TRIO: variants seen among roughly 807,000 people sequenced by gnomAD.
The protein encoded by TRIO is triple functional domain protein.
A neutral mutation model predicts 351.9 loss-of-function variants in TRIO; 58 were observed. The ratio of observed to expected loss-of-function variants is 0.16; its 90% CI spans 0.13 to 0.21. TRIO has a LOEUF of 0.21. TRIO is among the 10% of genes least tolerant of loss of function. The pLI is 1.00. For synonymous variants in TRIO, 1,758 were observed against 1,595.7 expected, an observed-to-expected ratio of 1.10 and a Z score of -2.42; for missense variants, 3,201 against 4,027.8, an observed-to-expected ratio of 0.79 and a Z score of 5.56.
Position 14,488,169 on chromosome 5 carries a change from C to T in TRIO, c.7541C>T (p.Pro2514Leu), listed in dbSNP as rs1417767323. ...GDSDSLQRQT[P>L]RHAAPGKDTD... Reference sequence around the variant, plus strand: ...AGCGACTCCCTCCAGCGGCAGACACCCCGCCACGCGGCCCCTGGCAAGGAT... The same window carrying T: ...AGCGACTCCCTCCAGCGGCAGACACTCCGCCACGCGGCCCCTGGCAAGGAT... The change falls in exon 48 of 57, where the codon CCC becomes CTC. Residue 2514 changes from proline (P) to leucine (L), a missense_variant. By Grantham distance (98) the Pro-to-Leu change is moderately conservative. Coordinates refer to ENST00000344204, the MANE Select transcript of TRIO (RefSeq NM_007118.4). The T allele has an allele frequency of 3.7e-6, 6 of 1,603,600 alleles. No homozygotes were observed. Among genetic ancestry groups the T allele is most frequent in the East Asian group, 2.2e-5 (1 of 44,824 alleles).
chr5:14,228,566 G>A (rs1328011869), intron 1 of TRIO, among the ~76,000 whole-genome samples: 1 of 152,354 alleles, frequency 6.6e-6, no homozygotes, highest in Middle Eastern at 3.4e-3. Flanking sequence ...TGAACTTTTA[G>A]AGTAGCAGAT....
At chr5:14,395,489 T>G (rs555776375) in intron 28 of TRIO, among the ~76,000 whole-genome samples, 1 of 152,342 alleles carries the variant, frequency 6.6e-6, no homozygotes, top group South Asian at 2.1e-4. Context: ...AGAACAGTGA[T>G]AAGCTCTCTT....
At chr5:14,180,200 G>GT (rs1460686950) in intron 1 of TRIO, among the ~76,000 whole-genome samples, 3 of 147,412 alleles carry the variant, frequency 2.0e-5, no homozygotes, top group Non-Finnish European at 4.5e-5. Flanking sequence ...ACCTCTTAAA[G>GT]TTACCTGGAT....
chr5:14,498,727 T>C, intron 53 of TRIO, 87 bp downstream of exon 53: 1 of 1,559,282 alleles, frequency 6.4e-7, no homozygotes, highest in Non-Finnish European at 8.8e-7. Context: ...GCCCTTACAC[T>C]CCAAGTGGCC....
intron 1 of TRIO, among the ~76,000 whole-genome samples, chr5:14,158,063 C>T (rs1423187281): frequency 7.0e-6 from 1 of 142,686 alleles, no homozygotes; most frequent in Admixed American, 7.0e-5. Flanking sequence ...TATGATGACA[C>T]ATTTTAGCAA....
chr5:14,296,969 C>G, intron 6 of TRIO, 103 bp from the exon 7 acceptor site: 4 of 920,018 alleles, frequency 4.3e-6, no homozygotes, highest in Non-Finnish European at 6.6e-6. Context: ...GATGTGATCA[C>G]TGTTAGAAGC....
intron 34 of TRIO, among the ~76,000 whole-genome samples, chr5:14,457,867 G>A (rs184692243): frequency 6.6e-6 from 1 of 152,184 alleles, no homozygotes; most frequent in East Asian, 1.9e-4. Context: ...GTGTCACTTA[G>A]GCTTCATACC....
intron 1 of TRIO, among the ~76,000 whole-genome samples, chr5:14,186,269 T>C (rs947580543): frequency 2.6e-5 from 4 of 152,192 alleles, no homozygotes; most frequent in Non-Finnish European, 4.4e-5. Flanking sequence ...CTCAAACATA[T>C]TCCTTTTATA....
chr5:14,313,946 G>C (rs1215411652), intron 8 of TRIO, among the ~76,000 whole-genome samples: 1 of 151,430 alleles, frequency 6.6e-6, no homozygotes, highest in African/African-American at 2.5e-5. Context: ...TGACTGTAGG[G>C]GTTTGGCTAT....
At chr5:14,214,146 CT>C (rs1792082721) in intron 1 of TRIO, among the ~76,000 whole-genome samples, 1 of 152,164 alleles carries the variant, frequency 6.6e-6, no homozygotes, top group African/African-American at 2.4e-5. Flanking sequence ...ATTCCTTATT[CT>C]TTAAATTACA....
rs774046957 is a variant in TRIO at position 14,488,103 on chromosome 5, C to A, written c.7475C>A (p.Ser2492Tyr). The change falls in exon 48 of 57, where the codon TCC becomes TAC. Residue 2492 changes from serine (S) to tyrosine (Y), a missense_variant. Ser to Tyr is a moderately radical substitution (Grantham distance 144, BLOSUM62 -2). This residue lies in a region of TRIO where 1,089 missense variants were observed against 954.9 expected (regional missense o/e 1.14). Coordinates refer to ENST00000344204, the MANE Select transcript of TRIO (RefSeq NM_007118.4). The part of the protein sequence containing the change: ...GGSFWSSIPA[S>Y]PASRPGSFTF... ...TCCTTCTGGAGCTCCATCCCCGCCT[C>A]CCCCGCCAGCCGACCCGGCTCCTTC... 1.9e-6 allele frequency: 3 copies of A among 1,609,632 alleles called. No individual in the cohort carries two copies. The highest frequency in any genetic ancestry group is 1.7e-4 in the Middle Eastern group (1 of 6,014).
Position 14,316,611 on chromosome 5 carries a change from C to T in TRIO, c.1599C>T (p.Ala533=), listed in dbSNP as rs368755419. Residue 533 remains alanine, a synonymous_variant, in exon 9 of 57, where the codon GCC becomes GCT. Transcript: ENST00000344204. The stretch of plus-strand genomic sequence containing the variant: ...CAGCCTCTGCCAACTACTCCAAGGC[C>T]GTGCACCATGTCCTGGATGTCATCC... ...SLTASANYSK[A]VHHVLDVIHE... 1.1e-5 allele frequency: 18 copies of T among 1,614,106 alleles called. No individual in the cohort carries two copies. Among genetic ancestry groups the T allele is most frequent in the African/African-American group, 5.3e-5 (4 of 74,944 alleles).
intron 10 of TRIO, among the ~76,000 whole-genome samples, chr5:14,333,629 A>G (rs1364785267): frequency 6.6e-6 from 1 of 152,110 alleles, no homozygotes; most frequent in African/African-American, 2.4e-5. Context: ...TAAGTTCCCA[A>G]AATCCCTTAT....
intron 1 of TRIO, among the ~76,000 whole-genome samples, chr5:14,158,241 G>A (rs2456239): frequency 2.6e-5 from 4 of 151,944 alleles, no homozygotes; most frequent in East Asian, 1.9e-4. Flanking sequence ...CCTGGCCAAC[G>A]TGGTGAAACC....
At chr5:14,476,750 C>T in intron 40 of TRIO, 144 bp from the exon 41 acceptor site, 1 of 637,524 alleles carries the variant, frequency 1.6e-6, no homozygotes, top group Non-Finnish European at 2.6e-6. Flanking sequence ...ACCAAGATCA[C>T]ACCACTGCAC....
rs1756940617 is a variant in TRIO at position 14,497,013 on chromosome 5, T to C, written c.8015T>C (p.Val2672Ala). 2 of 1,614,054 alleles carry C rather than the reference T, an allele frequency of 1.2e-6. No homozygotes were observed. The highest frequency in any genetic ancestry group is 1.3e-5 in the African/African-American group (1 of 74,934). Reference sequence around the variant, plus strand: ...GAAGGACTCAGCAACAAGGTATCTGTGAAGGTGTGTTCGGGGGTCTTCAGG... The same window carrying C: ...GAAGGACTCAGCAACAAGGTATCTGCGAAGGTGTGTTCGGGGGTCTTCAGG... ...SREGLSNKVS[V>A]KLLNPNYIYD... The change falls in exon 50 of 57, where the codon GTG becomes GCG. Residue 2672 changes from valine to alanine, a missense_variant. Physicochemically the swap from Val to Ala is moderately conservative, Grantham distance 64. Around this residue, in one of 19 missense-constraint regions of TRIO, gnomAD observed 1,089 missense variants for 954.9 expected, o/e 1.14. Transcript: ENST00000344204. The surrounding 1 kb of genome is among the most constrained non-coding windows in gnomAD (Gnocchi z 4.4).
At chr5:14,349,152 GGT>G (rs1016006057) in intron 11 of TRIO, among the ~76,000 whole-genome samples, 7 of 93,474 alleles carry the variant, frequency 7.5e-5, no homozygotes, top group African/African-American at 3.0e-4. Flanking sequence ...CGTGTTTGTG[GGT>G]GTGTATGCAC....
chr5:14,254,288 A>G lies in TRIO; in HGVS notation c.158-16537A>G, dbSNP rs192317765. Reference sequence around the variant, plus strand: ...AGCCTCCGCCTCCCAGGTTCAAGCAATTCCCCTGCCTCAACCTCCCAAGTA... The same window carrying G: ...AGCCTCCGCCTCCCAGGTTCAAGCAGTTCCCCTGCCTCAACCTCCCAAGTA... On this transcript the variant is annotated intron_variant, in intron 1 of 56. Transcript: ENST00000344204. Among the ~76,000 whole-genome samples the G allele has an allele frequency of 3.4e-4, 51 of 151,952 alleles. No individual in the cohort carries two copies. In the East Asian group the frequency reaches 8.9e-3, roughly 27 times the overall value.
At chr5:14,186,641 A>G (rs1188472007) in intron 1 of TRIO, among the ~76,000 whole-genome samples, 1 of 151,790 alleles carries the variant, frequency 6.6e-6, no homozygotes, top group Non-Finnish European at 1.5e-5. Flanking sequence ...GCAGTGGTGC[A>G]GTCTTGGCTC....
Sources: allele counts gnomAD v4.1 joint callset (sites outside exome capture counted in the v4.1 genomes callset), GRCh38; gene constraint gnomAD v4.1.1; regional missense constraint gnomAD v4.1.1; non-coding constraint Gnocchi (gnomAD v3.1); transcripts MANE v1.5; gene names NCBI Gene and HGNC (gene_info 2026-07-23, HGNC 2026-07-21).